Variants in RASGRP4 observed in about 807,000 individuals in gnomAD.
The protein encoded by RASGRP4 is RAS guanyl-releasing protein 4.
RASGRP4 carries 52 observed loss-of-function variants against 84.4 expected under a neutral mutation model. That is an observed-to-expected ratio of 0.62 (90% CI 0.49 to 0.78). The LOEUF is 0.78. Among genes scored for constraint, RASGRP4 ranks in the 30% least tolerant of loss-of-function variants. The pLI is 0.00. For synonymous variants in RASGRP4, 356 were observed against 359.1 expected, an observed-to-expected ratio of 0.99 and a Z score of 0.10; for missense variants, 760 against 886.9, an observed-to-expected ratio of 0.86 and a Z score of 1.82.
intron 8 of RASGRP4, among the ~76,000 whole-genome samples, chr19:38,415,920 C>T (rs1318006476): frequency 6.6e-6 from 1 of 150,456 alleles, no homozygotes; most frequent in Non-Finnish European, 1.5e-5. Flanking sequence ...TTAACTGGGT[C>T]TGGTGGTGCA....
rs768323762 is a variant in RASGRP4 at position 38,420,216 on chromosome 19, G to A, written c.424C>T (p.Leu142=). The A allele has an allele frequency of 8.7e-6, 14 of 1,613,114 alleles. No homozygotes were observed. The highest frequency in any genetic ancestry group is 1.3e-5 in the African/African-American group (1 of 75,054). The change falls in exon 5 of 17, where the codon CTA becomes TTA. Residue 142 remains leucine (L), a synonymous_variant. Transcript: ENST00000615439. The part of the protein sequence containing the change: ...HPEVMHQDPQ[L]EEVIGRFWAT... Reference sequence around the variant, plus strand: ...CAGAAACGACCTATGACTTCTTCTAGCTGGGGATCCTGGTGCATCACCTCA... The same window carrying A: ...CAGAAACGACCTATGACTTCTTCTAACTGGGGATCCTGGTGCATCACCTCA...
Position 38,418,387 on chromosome 19 carries a change from T to G in RASGRP4, c.837+4A>C. 2 of 1,602,910 alleles carry G rather than the reference T, an allele frequency of 1.2e-6. No individual in the cohort carries two copies. Among genetic ancestry groups the G allele is most frequent in the African/African-American group, 2.7e-5 (2 of 74,810 alleles). ...AGTTCGCAGCCCCAAGGGGCGGGCC[T>G]CACCTGTGCCACGTGAATGAACTTG... On this transcript the variant is annotated splice_donor_region_variant and intron_variant, in intron 7 of 16. Coordinates refer to ENST00000615439, the MANE Select transcript of RASGRP4 (RefSeq NM_170604.3). This position sits in a 1 kb window ranked among gnomAD's most constrained non-coding sequence, Gnocchi z 4.6.
At chr19:38,421,855 A>C in intron 2 of RASGRP4, 114 bp downstream of exon 2, 2 of 752,212 alleles carry the variant, frequency 2.7e-6, no homozygotes, top group South Asian at 3.5e-5. Flanking sequence ...GTAGTGATTG[A>C]GTTTCATTCC....
rs748853031 is a variant in RASGRP4 at position 38,417,113 on chromosome 19, C to T, written c.893G>A (p.Cys298Tyr). The T allele has an allele frequency of 6.4e-7, 1 of 1,565,212 alleles. No individual in the cohort carries two copies. The highest frequency in any genetic ancestry group is 1.2e-5 in the South Asian group (1 of 84,842). ...NTLMAVTGGL[C>Y]HSAISRLKDS... ...CTTGAGTCTGGAGATGGCACTGTGA[C>T]ACAGGCCCCCTGTGACTGCCATCAG... The change falls in exon 8 of 17, where the codon TGT becomes TAT. Residue 298 changes from cysteine (C) to tyrosine (Y), a missense_variant. Coordinates refer to ENST00000615439, the MANE Select transcript of RASGRP4 (RefSeq NM_170604.3). The surrounding 1 kb of genome is among the most constrained non-coding windows in gnomAD (Gnocchi z 5.1).
intron 9 of RASGRP4, 70 bp downstream of exon 9, chr19:38,414,778 C>G: frequency 6.9e-7 from 1 of 1,439,202 alleles, no homozygotes. Context: ...CCTGGAGACA[C>G]TCACACACCC....
chr19:38,418,377 G>T lies in RASGRP4; in HGVS notation c.837+14C>A. 1 of 1,599,836 alleles carries T rather than the reference G, an allele frequency of 6.3e-7. No homozygotes were observed. Among genetic ancestry groups the T allele is most frequent in the Non-Finnish European group, 8.5e-7 (1 of 1,174,064 alleles). ...CGTGCAGTGGAGTTCGCAGCCCCAAGGGGCGGGCCTCACCTGTGCCACGTG... is the reference window on the plus strand; with the variant it reads ...CGTGCAGTGGAGTTCGCAGCCCCAATGGGCGGGCCTCACCTGTGCCACGTG... On this transcript the variant is annotated intron_variant, in intron 7 of 16. Coordinates refer to ENST00000615439, the MANE Select transcript of RASGRP4 (RefSeq NM_170604.3). The surrounding 1 kb of genome is among the most constrained non-coding windows in gnomAD (Gnocchi z 4.6).
chr19:38,421,944 A>AG, intron 2 of RASGRP4, 25 bp downstream of exon 2: 2 of 1,596,178 alleles, frequency 1.3e-6, no homozygotes, highest in Non-Finnish European at 1.7e-6. Context: ...AGGGCCAGGG[A>AG]GGCTGCTGGG....
At position 38,420,229 on chromosome 19, in the gene RASGRP4, G is replaced by A. The variant is rs778756186; in HGVS notation, c.411C>T (p.His137=). The change falls in exon 5 of 17, where the codon CAC becomes CAT. Residue 137 remains histidine, a synonymous_variant. Transcript: ENST00000615439. The stretch of plus-strand genomic sequence containing the variant: ...TGACTTCTTCTAGCTGGGGATCCTG[G>A]TGCATCACCTCAGGGTGTCGCATCA... The part of the protein sequence containing the change: ...YWLMRHPEVM[H]QDPQLEEVIG... The A allele has an allele frequency of 3.1e-6, 5 of 1,613,178 alleles. No individual in the cohort carries two copies.
chr19:38,413,824 G>T lies in RASGRP4; in HGVS notation c.1231-350C>A, dbSNP rs1359475868. 6.6e-6 allele frequency among the ~76,000 whole-genome samples: 1 copy of T among 152,176 alleles called. No homozygotes were observed. The highest frequency in any genetic ancestry group is 1.5e-5 in the Non-Finnish European group (1 of 68,024). On this transcript the variant is annotated intron_variant, in intron 9 of 16. Transcript: ENST00000615439. The surrounding 1 kb of genome is among the most constrained non-coding windows in gnomAD (Gnocchi z 4.7). ...TCAGAACCTTGGAGTTTAAGAATGT[G>T]AACCCCAAAGCAATTCCAGAGCTCA...
intron 1 of RASGRP4, among the ~76,000 whole-genome samples, chr19:38,424,624 G>C (rs989941143): frequency 1.4e-5 from 2 of 143,074 alleles, no homozygotes; most frequent in Admixed American, 7.0e-5. Flanking sequence ...AATGGGGGGG[G>C]GGGTCTCACT....
In RASGRP4 at chr19:38,412,087, TTGTTGTTGTTGTTG is replaced by T. The variant is rs1971280862; in HGVS notation, c.1680+571_1680+584del. Among the ~76,000 whole-genome samples the T allele has an allele frequency of 7.0e-5, 5 of 71,902 alleles. No individual in the cohort carries two copies. The highest frequency in any genetic ancestry group is 1.4e-4 in the Admixed American group (1 of 7,132). 47.2% of individuals were successfully genotyped at this position (71,902 alleles called of 152,430 possible). A position where few individuals can be genotyped will look rare whatever the true frequency, so the allele number is the denominator to read the frequency against. On this transcript the variant is annotated intron_variant, in intron 13 of 16. Transcript: ENST00000615439. The surrounding 1 kb of genome is among the most constrained non-coding windows in gnomAD (Gnocchi z 4.6). Reference sequence around the variant, plus strand: ...CCGGTTTGGAGATTATCCAGGTTTGTTGTTGTTGTTGTTGTTGTTGTTGTTGTTGTTGTTGTTGT... The same window carrying T: ...CCGGTTTGGAGATTATCCAGGTTTGTTTGTTGTTGTTGTTGTTGTTGTTGT...
intron 9 of RASGRP4, among the ~76,000 whole-genome samples, chr19:38,414,221 G>A (rs906816764): frequency 2.0e-5 from 3 of 152,150 alleles, no homozygotes; most frequent in South Asian, 2.1e-4. Context: ...CACTGCGCCC[G>A]GCTAGACACT....
chr19:38,411,439 G>T, intron 13 of RASGRP4, 58 bp from the exon 14 acceptor site: 1 of 1,457,062 alleles, frequency 6.9e-7, no homozygotes, highest in Non-Finnish European at 9.2e-7. Flanking sequence ...CTGTGGATTG[G>T]CAGGGCAGCT....
chr19:38,421,225 G>A (rs1181877076), intron 2 of RASGRP4, 25 bp from the exon 3 acceptor site: 3 of 1,513,584 alleles, frequency 2.0e-6, no homozygotes, highest in East Asian at 4.5e-5. Context: ...GGGGTACTCT[G>A]TGACAGAATG....
rs914397246 is a variant in RASGRP4, at chr19:38,413,107, G to A, written c.1417-58C>T. On this transcript the variant is annotated intron_variant, in intron 11 of 16. Transcript: ENST00000615439. This position sits in a 1 kb window ranked among gnomAD's most constrained non-coding sequence, Gnocchi z 4.7. The stretch of plus-strand genomic sequence containing the variant: ...CAGTTGTCGAAATATGATCCCCATG[G>A]CCATAAGTCCCCACCTCCAGGCTCA... 8 of 1,571,530 alleles carry A rather than the reference G, an allele frequency of 5.1e-6. No homozygotes were observed. The highest frequency in any genetic ancestry group is 7.0e-6 in the Non-Finnish European group (8 of 1,141,446).
rs1231317888 is a variant in RASGRP4 at position 38,411,631 on chromosome 19, C to T, written c.1681-250G>A. 6 of 495,016 alleles carry T rather than the reference C, an allele frequency of 1.2e-5. No homozygotes were observed. The South Asian group carries it at 1.5e-4, about 12-fold the overall frequency. The allele number at this position is 495,016 out of a possible 1,614,324, so 30.7% of individuals were successfully genotyped here. On this transcript the variant is annotated intron_variant, in intron 13 of 16. Transcript: ENST00000615439. Reference sequence around the variant, plus strand: ...GATCGCTTGAGCTCAGGATTGGAGGCTGCAATGAACCATGATCGTACCACG... The same window carrying T: ...GATCGCTTGAGCTCAGGATTGGAGGTTGCAATGAACCATGATCGTACCACG...
Position 38,417,139 on chromosome 19 carries a change from C to A in RASGRP4, c.867G>T (p.Thr289=). ...QRLHQLQNFN[T]LMAVTGGLCH... is the part of the protein sequence containing the mutation. Reference sequence around the variant, plus strand: ...ACAGGCCCCCTGTGACTGCCATCAGCGTGTTGAAATTCTGCAGCTGGTGGA... The same window carrying A: ...ACAGGCCCCCTGTGACTGCCATCAGAGTGTTGAAATTCTGCAGCTGGTGGA... Residue 289 remains threonine, a synonymous_variant, in exon 8 of 17, where the codon ACG becomes ACT. Coordinates refer to ENST00000615439, the MANE Select transcript of RASGRP4 (RefSeq NM_170604.3). This position sits in a 1 kb window ranked among gnomAD's most constrained non-coding sequence, Gnocchi z 5.1. 2 of 1,562,022 alleles carry A rather than the reference C, an allele frequency of 1.3e-6. No homozygotes were observed. The highest frequency in any genetic ancestry group is 2.4e-5 in the South Asian group (2 of 84,678).
rs1448939841 is a variant in RASGRP4, at chr19:38,412,604, T to C, written c.1680+68A>G. On this transcript the variant is annotated intron_variant, in intron 13 of 16. Coordinates refer to ENST00000615439, the MANE Select transcript of RASGRP4 (RefSeq NM_170604.3). This position sits in a 1 kb window ranked among gnomAD's most constrained non-coding sequence, Gnocchi z 4.6. The stretch of plus-strand genomic sequence containing the variant: ...GGATTTCTGGAATTTGGGGGTTATC[T>C]GGGGTTTGCGGACTGCCGGCTTCAG... 3.4e-5 allele frequency: 50 copies of C among 1,489,096 alleles called. 1 individual carries two copies. The highest frequency in any genetic ancestry group is 3.6e-4 in the Middle Eastern group (2 of 5,544). 92.2% of individuals were successfully genotyped at this position (1,489,096 alleles called of 1,614,324 possible). A position where few individuals can be genotyped will look rare whatever the true frequency, so the allele number is the denominator to read the frequency against.
intron 15 of RASGRP4, 46 bp from the exon 16 acceptor site, chr19:38,411,044 C>G: frequency 1.2e-6 from 2 of 1,610,238 alleles, no homozygotes; most frequent in Non-Finnish European, 8.5e-7. Context: ...TGGGAAGGAC[C>G]TCTTCTTGAC....
Sources: gnomAD v4.1 joint callset for allele counts (sites outside exome capture counted in the v4.1 genomes callset) on GRCh38, gnomAD v4.1.1 for gene constraint, Gnocchi (gnomAD v3.1) non-coding constraint, MANE v1.5 for transcripts, NCBI Gene and HGNC (gene_info 2026-07-23, HGNC 2026-07-21) for gene names.